Variants in FNDC3A observed in about 807,000 individuals in gnomAD.
FNDC3A encodes the protein fibronectin type III domain containing 3A, also known as fibronectin type-III domain-containing protein 3A.
In FNDC3A, 32 loss-of-function variants were observed where a neutral mutation model predicts 148.9. That is an observed-to-expected ratio of 0.21 (90% CI 0.16 to 0.29). FNDC3A has a LOEUF of 0.29. FNDC3A is among the 10% of genes least tolerant of loss of function. FNDC3A has a pLI of 1.00. For missense variants in FNDC3A, 1,191 were observed against 1,452.8 expected (o/e 0.82, Z 2.93); for synonymous variants, 472 against 473.6 (o/e 1.00, Z 0.04).
chr13:49,191,288 A>T lies in FNDC3A; in HGVS notation c.2130A>T (p.Arg710Ser), dbSNP rs750775206. Residue 710 changes from arginine to serine, a missense_variant, in exon 19 of 26, where the codon AGA (arginine) becomes AGT (serine). By Grantham distance (110) the Arg-to-Ser change is moderately radical. Around this residue, in one of 3 missense-constraint regions of FNDC3A, gnomAD observed 751 missense variants for 944.0 expected, o/e 0.80. Transcript: ENST00000492622. ...CTCCTATAGAAAAAGATGAACCTAG[A>T]GAAGTTTACCAAGGTTCTGAAGTAG... Reference protein sequence around the residue: ...EMSPIEKDEPREVYQGSEVEC... With the variant: ...EMSPIEKDEPSEVYQGSEVEC... 12 of 1,613,446 alleles carry T rather than the reference A, an allele frequency of 7.4e-6. No individual in the cohort carries two copies. In the Admixed American group the frequency reaches 2.0e-4, roughly 27 times the overall value.
intron 2 of FNDC3A, among the ~76,000 whole-genome samples, chr13:49,033,099 CT>C (rs1196898648): frequency 2.0e-5 from 3 of 152,024 alleles, no homozygotes; most frequent in African/African-American, 7.2e-5. Context: ...ATGCTTGTTT[CT>C]TTTATATATA....
intron 7 of FNDC3A, among the ~76,000 whole-genome samples, chr13:49,142,478 A>G (rs1471104146): frequency 2.0e-5 from 3 of 151,510 alleles, no homozygotes; most frequent in South Asian, 2.1e-4. Flanking sequence ...TATAGGATCC[A>G]CTCTCCCCAC....
intron 5 of FNDC3A, among the ~76,000 whole-genome samples, chr13:49,134,713 C>T (rs1039629147): frequency 6.7e-6 from 1 of 149,904 alleles, no homozygotes; most frequent in East Asian, 2.0e-4. Flanking sequence ...ATTTCTCTCT[C>T]ATTATGGTTT....
At chr13:49,122,040 C>T (rs1881383330) in intron 4 of FNDC3A, among the ~76,000 whole-genome samples, 1 of 151,952 alleles carries the variant, frequency 6.6e-6, no homozygotes, top group Non-Finnish European at 1.5e-5. Flanking sequence ...TGCAGAAGTA[C>T]AACAAAAAAA....
At chr13:49,120,265 A>C (rs1881246625) in intron 4 of FNDC3A, among the ~76,000 whole-genome samples, 1 of 152,220 alleles carries the variant, frequency 6.6e-6, no homozygotes, top group African/African-American at 2.4e-5. Flanking sequence ...AGGAGAAATA[A>C]AATCCTTTAC....
intron 1 of FNDC3A, among the ~76,000 whole-genome samples, chr13:48,999,166 C>G (rs1227304875): frequency 2.0e-5 from 3 of 152,144 alleles, no homozygotes; most frequent in African/African-American, 7.2e-5. Flanking sequence ...CAGGTCACCT[C>G]ACTGAGCCAT....
At chr13:49,159,504 T>C (rs1361506710) in intron 8 of FNDC3A, among the ~76,000 whole-genome samples, 1 of 152,228 alleles carries the variant, frequency 6.6e-6, no homozygotes, top group Non-Finnish European at 1.5e-5. Context: ...CTTATCAGCT[T>C]AAGGAGGTTT....
intron 3 of FNDC3A, among the ~76,000 whole-genome samples, chr13:49,090,250 G>C (rs991137286): frequency 5.3e-5 from 8 of 152,098 alleles, no homozygotes; most frequent in Admixed American, 5.2e-4. Context: ...GTGAAACCCT[G>C]TCTCTACTAA....
chr13:49,127,441 A>T lies in FNDC3A; in HGVS notation c.253-3696A>T, dbSNP rs1419026047. On this transcript the variant is annotated intron_variant, in intron 4 of 25. Transcript: ENST00000492622. ...ACTGCAGTTGGGCTTTGACCCTATG[A>T]CTATACCAAAACTGCCCTCTTCAAG... 3.3e-5 allele frequency among the ~76,000 whole-genome samples: 5 copies of T among 152,140 alleles called. No homozygotes were observed. In the East Asian group the frequency reaches 9.6e-4, roughly 29 times the overall value.
At chr13:49,152,987 A>C (rs1024561729) in intron 8 of FNDC3A, among the ~76,000 whole-genome samples, 1 of 150,224 alleles carries the variant, frequency 6.7e-6, no homozygotes, top group African/African-American at 2.4e-5. Context: ...ATACGTGTGC[A>C]TGTGTCTTTA....
chr13:49,108,063 TATG>T (rs1001185273), intron 3 of FNDC3A, among the ~76,000 whole-genome samples: 2 of 152,128 alleles, frequency 1.3e-5, no homozygotes, highest in African/African-American at 4.8e-5. Flanking sequence ...GAAAGAAAGA[TATG>T]ATGGCCACAT....
intron 14 of FNDC3A, among the ~76,000 whole-genome samples, chr13:49,183,735 GT>G (rs1885421752): frequency 6.6e-6 from 1 of 151,854 alleles, no homozygotes; most frequent in African/African-American, 2.4e-5. Flanking sequence ...CCATGTGACT[GT>G]GAGAGGACTG....
At chr13:49,195,292 CTT>C (rs1886092838) in intron 19 of FNDC3A, among the ~76,000 whole-genome samples, 1 of 152,018 alleles carries the variant, frequency 6.6e-6, no homozygotes, top group Non-Finnish European at 1.5e-5. Context: ...TGATTTTTTA[CTT>C]TTTTATAAAA....
At chr13:49,116,898 G>A (rs1881002325) in intron 4 of FNDC3A, among the ~76,000 whole-genome samples, 1 of 152,156 alleles carries the variant, frequency 6.6e-6, no homozygotes, top group Admixed American at 6.5e-5. Flanking sequence ...AGGACAGGTG[G>A]GGGTTAGCTA....
chr13:49,134,399 A>G (rs1882210932), intron 5 of FNDC3A, among the ~76,000 whole-genome samples: 2 of 152,162 alleles, frequency 1.3e-5, no homozygotes, highest in Admixed American at 6.6e-5. Context: ...TATGGCTGCA[A>G]TAATATTGCA....
chr13:49,095,024 TC>T (rs1258305575), intron 3 of FNDC3A, among the ~76,000 whole-genome samples: 1 of 152,082 alleles, frequency 6.6e-6, no homozygotes, highest in Non-Finnish European at 1.5e-5. Flanking sequence ...AGGAGGTTTT[TC>T]TTCTTTATAC....
In FNDC3A at chr13:49,006,324, A is replaced by G. The variant is rs747861496; in HGVS notation, c.99+35A>G. 3 of 1,228,696 alleles carry G rather than the reference A, an allele frequency of 2.4e-6. No homozygotes were observed. The African/African-American group carries it at 4.5e-5, about 19-fold the overall frequency. 76.1% of individuals were successfully genotyped at this position (1,228,696 alleles called of 1,614,324 possible). A position where few individuals can be genotyped will look rare whatever the true frequency, so the allele number is the denominator to read the frequency against. On this transcript the variant is annotated intron_variant, in intron 2 of 25. Coordinates refer to ENST00000492622, the MANE Select transcript of FNDC3A (RefSeq NM_001079673.2). ...CTGAAATGTTTATTTCTTTATGTCT[A>G]ATACACATGTATTTATGCAAAATTT...
chr13:49,097,724 G>C (rs926064145), intron 3 of FNDC3A, among the ~76,000 whole-genome samples: 12 of 152,062 alleles, frequency 7.9e-5, no homozygotes, highest in African/African-American at 2.9e-4. Context: ...TTAGGTGTGG[G>C]TGTGTTTTCA....
intron 2 of FNDC3A, among the ~76,000 whole-genome samples, chr13:49,043,689 T>C (rs1184830172): frequency 6.6e-6 from 1 of 152,128 alleles, no homozygotes; most frequent in Non-Finnish European, 1.5e-5. Context: ...AGTCTTAAGG[T>C]TTATTTATAC....
Sources: gnomAD v4.1 joint callset for allele counts (sites outside exome capture counted in the v4.1 genomes callset) on GRCh38, gnomAD v4.1.1 for gene constraint, gnomAD v4.1.1 regional missense constraint, MANE v1.5 for transcripts, NCBI Gene and HGNC (gene_info 2026-07-23, HGNC 2026-07-21) for gene names.